The following CD1B variants were observed in gnomAD, a reference collection of about 807,000 sequenced individuals.
The protein encoded by CD1B is CD1b molecule.
Under a neutral mutation model 39.8 loss-of-function variants are expected in CD1B, and 43 were observed. That is an observed-to-expected ratio of 1.08 (90% CI 0.85 to 1.39). The LOEUF (loss-of-function observed/expected upper bound fraction) is 1.39. Among genes scored for constraint, CD1B ranks in the 40% most tolerant of loss-of-function variants. CD1B has a pLI of 0.00. For synonymous variants in CD1B, 192 were observed against 152.5 expected (o/e 1.26, Z -1.91); for missense variants, 495 against 403.8 (o/e 1.23, Z -1.94).
At chr1:158,293,704 A>G in the CD1B span, 1 of 1,024,224 alleles carries the variant, frequency 9.8e-7, no homozygotes, top group East Asian at 2.6e-5. Context: ...ATTTCCTCCA[A>G]CGATCTTCCT....
the CD1B span, among the ~76,000 whole-genome samples, chr1:158,302,634 C>A: frequency 6.6e-6 from 1 of 152,198 alleles, no homozygotes; most frequent in East Asian, 1.9e-4. Context: ...AATACAAAAA[C>A]CACTCAGATA....
At chr1:158,310,210 C>A in the CD1B span, among the ~76,000 whole-genome samples, 1 of 152,136 alleles carries the variant, frequency 6.6e-6, no homozygotes, top group African/African-American at 2.4e-5. Flanking sequence ...CAGTAAGAAG[C>A]AATGGGGTGA....
downstream of CD1B, among the ~76,000 whole-genome samples, chr1:158,325,781 A>G (rs930710491): frequency 2.6e-5 from 4 of 152,102 alleles, no homozygotes; most frequent in Admixed American, 6.6e-5. Context: ...TAAGTGTACA[A>G]TTCTGTGTTA....
At chr1:158,305,805 A>C in the CD1B span, among the ~76,000 whole-genome samples, 26 of 152,302 alleles carry the variant, frequency 1.7e-4, no homozygotes, top group African/African-American at 4.6e-4. Flanking sequence ...GAATTTTCAA[A>C]CCAGAATTTC....
At chr1:158,330,269 C>T (rs1396228307) in intron 2 of CD1B, 139 bp from the exon 3 acceptor site, 15 of 771,998 alleles carry the variant, frequency 1.9e-5, no homozygotes, top group African/African-American at 3.5e-5. Flanking sequence ...CTAATGATAA[C>T]ATTTAGACAT....
the CD1B span, among the ~76,000 whole-genome samples, chr1:158,303,021 C>T: frequency 6.6e-6 from 1 of 151,952 alleles, no homozygotes; most frequent in Non-Finnish European, 1.5e-5. Flanking sequence ...AATATATATG[C>T]AAAAATCCTC....
the CD1B span, among the ~76,000 whole-genome samples, chr1:158,302,383 A>G: frequency 0.022 from 3,378 of 152,256 alleles, 125 homozygotes; most frequent in African/African-American, 0.076. Flanking sequence ...TAAAGGAACT[A>G]GAAAAATAAG....
the CD1B span, among the ~76,000 whole-genome samples, chr1:158,298,749 T>TC: frequency 1.3e-5 from 2 of 152,174 alleles, no homozygotes; most frequent in Admixed American, 6.5e-5. Context: ...TAAGTTGGAT[T>TC]CCTAGGTATT....
the CD1B span, among the ~76,000 whole-genome samples, chr1:158,320,580 C>G: frequency 6.6e-6 from 1 of 152,116 alleles, no homozygotes; most frequent in Admixed American, 6.5e-5. Context: ...GTGAGACGAA[C>G]CCGGTACCTC....
intron 5 of CD1B, 86 bp from the exon 6 acceptor site, chr1:158,328,343 A>ATT: frequency 9.0e-7 from 1 of 1,105,654 alleles, no homozygotes; most frequent in South Asian, 1.4e-5. Context: ...TGATAGTTAA[A>ATT]AGTGAAAGCA....
At chr1:158,320,489 G>A in the CD1B span, among the ~76,000 whole-genome samples, 3 of 152,128 alleles carry the variant, frequency 2.0e-5, no homozygotes, top group Non-Finnish European at 4.4e-5. Context: ...CACTTCCCGA[G>A]TGAGGCAATG....
chr1:158,295,568 C>T, the CD1B span, among the ~76,000 whole-genome samples: 13 of 152,150 alleles, frequency 8.5e-5, no homozygotes, highest in Non-Finnish European at 1.6e-4. Flanking sequence ...TAGGGATGTC[C>T]ATTACCCGAG....
the CD1B span, among the ~76,000 whole-genome samples, chr1:158,295,816 A>T: frequency 6.6e-6 from 1 of 150,806 alleles, no homozygotes; most frequent in Admixed American, 6.6e-5. Flanking sequence ...GACCCCACCA[A>T]ACCACCAAAT....
At chr1:158,315,354 T>A in the CD1B span, among the ~76,000 whole-genome samples, 30 of 151,798 alleles carry the variant, frequency 2.0e-4, 2 homozygotes, top group Middle Eastern at 3.4e-3. Context: ...CCATTCTAAC[T>A]GGTGTGAGAT....
rs756501763 is a variant in CD1B, at chr1:158,330,838, C to T, written c.286G>A (p.Ala96Thr). Residue 96 changes from alanine to threonine, a missense_variant, in exon 2 of 6, where the codon GCT becomes ACT. Transcript: ENST00000368168. ...EIFRVYIFGF[A>T]REVQDFAGDF... ...CCGGCAAAGTCTTGTACTTCTCGAG[C>T]GAATCCAAAGATGTAGACTCGGAAT... 24 of 1,613,920 alleles carry T rather than the reference C, an allele frequency of 1.5e-5. No homozygotes were observed. The highest frequency in any genetic ancestry group is 4.0e-5 in the African/African-American group (3 of 74,912).
chr1:158,293,676 A>T, the CD1B span: 4 of 1,277,684 alleles, frequency 3.1e-6, no homozygotes, highest in Non-Finnish European at 4.4e-6. Context: ...TCAACCTTCA[A>T]AGCCCATTTC....
downstream of CD1B, among the ~76,000 whole-genome samples, chr1:158,326,769 T>C (rs1321314963): frequency 6.6e-6 from 1 of 151,776 alleles, no homozygotes; most frequent in Non-Finnish European, 1.5e-5. Flanking sequence ...TATACTGCTT[T>C]ATGTTTGCAC....
At chr1:158,324,583 A>T (rs1316426987), downstream of CD1B, among the ~76,000 whole-genome samples, 1 of 152,192 alleles carries the variant, frequency 6.6e-6, no homozygotes, top group Non-Finnish European at 1.5e-5. Flanking sequence ...AGTTAAACAC[A>T]TAGTTTTGAA....
chr1:158,306,216 A>T, the CD1B span, among the ~76,000 whole-genome samples: 1 of 152,246 alleles, frequency 6.6e-6, no homozygotes, highest in East Asian at 1.9e-4. Context: ...ATAGGCTCAA[A>T]ATAAAGGGAT....
Sources: gnomAD v4.1 joint callset for allele counts (sites outside exome capture counted in the v4.1 genomes callset) on GRCh38, gnomAD v4.1.1 for gene constraint, MANE v1.5 for transcripts, NCBI Gene and HGNC (gene_info 2026-07-23, HGNC 2026-07-21) for gene names.